The following DGKB variants were observed in gnomAD, a reference collection of about 807,000 sequenced individuals.
DGKB encodes the protein 90 kDa diacylglycerol kinase.
DGKB carries 67 observed loss-of-function variants against 114.3 expected under a neutral mutation model. The observed-to-expected ratio is 0.59, with a 90% CI of 0.48 to 0.72. The LOEUF is 0.72. Among genes scored for constraint, DGKB ranks in the 30% least tolerant of loss-of-function variants. The pLI, the probability that DGKB is intolerant of heterozygous loss-of-function variation, is 0.00. For missense variants in DGKB, 907 were observed against 975.2 expected (o/e 0.93, Z 0.93); for synonymous variants, 398 against 323.1 (o/e 1.23, Z -2.49).
At chr7:14,575,841 A>G (rs946107481) in intron 19 of DGKB, among the ~76,000 whole-genome samples, 1 of 152,214 alleles carries the variant, frequency 6.6e-6, no homozygotes, top group African/African-American at 2.4e-5. Context: ...AGCTATTAGC[A>G]TACATATCAT....
intron 20 of DGKB, among the ~76,000 whole-genome samples, chr7:14,515,156 TAGAA>T (rs1420578809): frequency 6.6e-6 from 1 of 152,188 alleles, no homozygotes; most frequent in Admixed American, 6.5e-5. Context: ...TTTAGAGGGT[TAGAA>T]AGAGTTGATT....
intron 2 of DGKB, among the ~76,000 whole-genome samples, chr7:14,831,290 G>A (rs2128122679): frequency 6.6e-6 from 1 of 152,058 alleles, no homozygotes; most frequent in Non-Finnish European, 1.5e-5. Flanking sequence ...TGATAATGAT[G>A]CTAATGGCTA....
Position 14,952,365 on chromosome 7 carries a change from G to A in DGKB, c.-188+22331C>T, listed in dbSNP as rs73679592. Among the ~76,000 whole-genome samples the A allele has an allele frequency of 4.9e-3, 751 of 152,024 alleles. 10 individuals are homozygous for A. Among genetic ancestry groups the A allele is most frequent in the African/African-American group, 0.018 (728 of 41,484 alleles). ...ATAGCAAACTGATATAACATCGCAC[G>A]TACATGGATCGAATGACTTAATATT... On this transcript the variant is annotated intron_variant, in intron 1 of 4. Coordinates refer to the DGKB transcript ENST00000437998.
chr7:14,374,149 T>C (rs1240111130), intron 21 of DGKB, among the ~76,000 whole-genome samples: 1 of 152,136 alleles, frequency 6.6e-6, no homozygotes, highest in African/African-American at 2.4e-5. Context: ...TCCCCTACTC[T>C]ACTATCAATA....
intron 1 of DGKB, among the ~76,000 whole-genome samples, chr7:14,865,748 C>G (rs150326063): frequency 1.2e-3 from 183 of 152,200 alleles, no homozygotes; most frequent in African/African-American, 4.2e-3. Context: ...TGGGAGTCAT[C>G]ATGTGCATAG....
At chr7:14,528,798 C>G (rs576461836) in intron 20 of DGKB, among the ~76,000 whole-genome samples, 2 of 152,142 alleles carry the variant, frequency 1.3e-5, no homozygotes, top group Admixed American at 1.3e-4. Context: ...ATTAGAATTT[C>G]TATGGTTTCT....
chr7:14,861,338 T>C (rs1055068407), intron 1 of DGKB, among the ~76,000 whole-genome samples: 2 of 151,928 alleles, frequency 1.3e-5, no homozygotes, highest in South Asian at 2.1e-4. Flanking sequence ...TGACTTTCAA[T>C]ATAATCCATA....
intron 20 of DGKB, among the ~76,000 whole-genome samples, chr7:14,511,639 C>A (rs576378136): frequency 6.6e-6 from 1 of 152,316 alleles, no homozygotes; most frequent in East Asian, 1.9e-4. Context: ...TTTTCATTCA[C>A]AACTTGAATA....
chr7:14,266,938 C>G (rs1432441626), intron 23 of DGKB, among the ~76,000 whole-genome samples: 1 of 152,068 alleles, frequency 6.6e-6, no homozygotes, highest in African/African-American at 2.4e-5. Context: ...GTTTTAATTT[C>G]TTTGTCATCT....
chr7:14,737,683 T>A (rs1054037179), intron 4 of DGKB, among the ~76,000 whole-genome samples: 4 of 152,176 alleles, frequency 2.6e-5, no homozygotes, highest in African/African-American at 7.2e-5. Flanking sequence ...CTAACTTTTT[T>A]ATTTAGTTTC....
chr7:14,559,670 T>A (rs1563510103), intron 20 of DGKB, among the ~76,000 whole-genome samples: 1 of 152,202 alleles, frequency 6.6e-6, no homozygotes, highest in Non-Finnish European at 1.5e-5. Flanking sequence ...AAAAACTTGA[T>A]GCATTGAAAA....
At chr7:14,774,041 T>C (rs1049660113) in intron 2 of DGKB, among the ~76,000 whole-genome samples, 1 of 152,166 alleles carries the variant, frequency 6.6e-6, no homozygotes, top group African/African-American at 2.4e-5. Context: ...TGTTTGTTTG[T>C]TTTTGCCCTG....
intron 12 of DGKB, among the ~76,000 whole-genome samples, chr7:14,679,837 T>C (rs572344921): frequency 6.6e-6 from 1 of 152,012 alleles, no homozygotes; most frequent in Non-Finnish European, 1.5e-5. Context: ...TACTACTAAA[T>C]ACATAAATGT....
intron 8 of DGKB, among the ~76,000 whole-genome samples, 152 bp downstream of exon 8, chr7:14,697,943 C>G (rs1464825): frequency 0.5 from 68,464 of 136,300 alleles, 16,997 homozygotes; most frequent in African/African-American, 0.66. Context: ...GGGAGAGAAA[C>G]AGAAAGGGAG....
intron 20 of DGKB, among the ~76,000 whole-genome samples, chr7:14,523,881 C>A (rs73285863): frequency 0.016 from 2,380 of 152,170 alleles, 61 homozygotes; most frequent in African/African-American, 0.054. Context: ...CTTTGCTAAA[C>A]CCTAGTCATC....
chr7:14,607,157 CGTGTGTGT>C (rs71004316), intron 17 of DGKB, among the ~76,000 whole-genome samples: 2 of 148,230 alleles, frequency 1.3e-5, no homozygotes, highest in Non-Finnish European at 1.5e-5. Context: ...GCTAGTTTGT[CGTGTGTGT>C]GTGTGTGTGT....
intron 22 of DGKB, among the ~76,000 whole-genome samples, chr7:14,343,276 A>C (rs1179477960): frequency 6.6e-6 from 1 of 151,582 alleles, no homozygotes; most frequent in Non-Finnish European, 1.5e-5. Context: ...AATAGCTCCC[A>C]AAATAAGCCA....
chr7:14,430,790 T>G (rs1828338518), intron 21 of DGKB, among the ~76,000 whole-genome samples: 1 of 152,228 alleles, frequency 6.6e-6, no homozygotes, highest in South Asian at 2.1e-4. Context: ...CACATTTTTA[T>G]GTGTTACAGA....
chr7:14,659,216 A>G (rs1390674253), intron 13 of DGKB, among the ~76,000 whole-genome samples: 1 of 152,024 alleles, frequency 6.6e-6, no homozygotes, highest in African/African-American at 2.4e-5. Context: ...TAACTGGTCT[A>G]AAGGGCTATG....
Sources: gnomAD v4.1 joint callset for allele counts (sites outside exome capture counted in the v4.1 genomes callset) on GRCh38, gnomAD v4.1.1 for gene constraint, MANE v1.5 for transcripts, NCBI Gene and HGNC (gene_info 2026-07-23, HGNC 2026-07-21) for gene names.